RPL26L1: variants seen among roughly 807,000 people sequenced by gnomAD.
RPL26L1 encodes ribosomal protein uL24-like.
A neutral mutation model predicts 15.2 loss-of-function variants in RPL26L1; 8 were observed. The observed-to-expected ratio is 0.53, with a 90% CI of 0.31 to 0.95. RPL26L1 has a LOEUF of 0.95. Among genes scored for constraint, RPL26L1 ranks in the 40% least tolerant of loss-of-function variants. The pLI is 0.05. For synonymous variants in RPL26L1, 51 were observed against 65.9 expected (o/e 0.77, Z 1.09); for missense variants, 146 against 190.9 (o/e 0.76, Z 1.39).
intron 2 of RPL26L1, 76 bp downstream of exon 2, chr5:172,960,117 C>CA: frequency 6.5e-7 from 1 of 1,545,594 alleles, no homozygotes; most frequent in Admixed American, 1.7e-5. Context: ...GTCACAGACT[C>CA]ACATGCCTCA....
intron 2 of RPL26L1, among the ~76,000 whole-genome samples, chr5:172,960,554 T>G (rs1476036933): frequency 6.6e-6 from 1 of 152,078 alleles, no homozygotes; most frequent in African/African-American, 2.4e-5. Flanking sequence ...GTGGGATTGA[T>G]GGACAGAGAT....
chr5:172,968,739 A>G, intron 3 of RPL26L1, 140 bp downstream of exon 3: 1 of 793,118 alleles, frequency 1.3e-6, no homozygotes, highest in South Asian at 2.4e-5. Context: ...TTGTGATATC[A>G]TCAAGGATCC....
intron 2 of RPL26L1, among the ~76,000 whole-genome samples, chr5:172,964,839 T>A (rs1452226104): frequency 1.3e-5 from 2 of 152,192 alleles, no homozygotes; most frequent in Non-Finnish European, 2.9e-5. Flanking sequence ...CACCTACACG[T>A]TTACCTGTAG....
chr5:172,963,419 A>G (rs1290495779), intron 2 of RPL26L1, among the ~76,000 whole-genome samples: 7 of 151,574 alleles, frequency 4.6e-5, no homozygotes, highest in Admixed American at 2.6e-4. Context: ...AAGGCCCTCT[A>G]TGGGCCAATC....
chr5:172,958,569 C>CCT (rs1561753507), upstream of RPL26L1: 2 of 365,788 alleles, frequency 5.5e-6, no homozygotes, highest in African/African-American at 2.1e-5. Context: ...CTTTTCCTTC[C>CCT]CTGCCGCCAC....
At chr5:172,958,574 C>A (rs1755076323), upstream of RPL26L1, 1 of 364,334 alleles carries the variant, frequency 2.7e-6, no homozygotes, top group South Asian at 1.9e-5. Context: ...CCTTCCCTGC[C>A]GCCACGGTGC....
In RPL26L1 at chr5:172,967,453, G is replaced by A. The variant is rs116850350; in HGVS notation, c.169-1006G>A. 6.3e-3 allele frequency among the ~76,000 whole-genome samples: 941 copies of A among 150,368 alleles called. 12 individuals carry two copies. Among genetic ancestry groups the A allele is most frequent in the East Asian group, 0.041 (208 of 5,106 alleles). On this transcript the variant is annotated intron_variant, in intron 2 of 3. Coordinates refer to ENST00000265100, the MANE Select transcript of RPL26L1 (RefSeq NM_016093.4). ...GCCCTCCAGCCTGGGGGAACAGAGC[G>A]AGACTCCGTGTCAAAAATAAATAAA...
chr5:172,957,174 G>C, upstream of RPL26L1: 1 of 456,220 alleles, frequency 2.2e-6, no homozygotes, highest in Non-Finnish European at 4.4e-6. Context: ...CTCTGTGCTA[G>C]GTGCTTTGAG....
At chr5:172,964,368 C>T (rs933801454) in intron 2 of RPL26L1, among the ~76,000 whole-genome samples, 29 of 147,632 alleles carry the variant, frequency 2.0e-4, no homozygotes, top group Non-Finnish European at 3.4e-4. Flanking sequence ...TCACTGCAAC[C>T]TCTGCCTCCC....
At chr5:172,964,857 C>T (rs1561757407) in intron 2 of RPL26L1, among the ~76,000 whole-genome samples, 1 of 152,166 alleles carries the variant, frequency 6.6e-6, no homozygotes, top group African/African-American at 2.4e-5. Flanking sequence ...TAGTTCCACC[C>T]CTCTTATTTT....
At chr5:172,962,675 G>A (rs2113533988) in intron 2 of RPL26L1, among the ~76,000 whole-genome samples, 1 of 151,788 alleles carries the variant, frequency 6.6e-6, no homozygotes, top group South Asian at 2.1e-4. Flanking sequence ...AATTAGCTGA[G>A]CGTGGTGGTG....
intron 1 of RPL26L1, 138 bp downstream of exon 1, chr5:172,959,606 G>A: frequency 8.0e-7 from 1 of 1,250,346 alleles, no homozygotes; most frequent in South Asian, 1.6e-5. Flanking sequence ...CCTAACCCTA[G>A]CATTCCTTCC....
upstream of RPL26L1, among the ~76,000 whole-genome samples, chr5:172,956,339 G>A (rs563416195): frequency 2.6e-5 from 4 of 152,102 alleles, no homozygotes; most frequent in African/African-American, 7.2e-5. Flanking sequence ...AATACGGATC[G>A]CATTATTATC....
At chr5:172,961,083 G>A (rs1000285579) in intron 2 of RPL26L1, among the ~76,000 whole-genome samples, 5 of 152,128 alleles carry the variant, frequency 3.3e-5, no homozygotes, top group African/African-American at 7.2e-5. Flanking sequence ...CCCTCACTCA[G>A]TTAAGAGCTA....
At chr5:172,968,293 A>G (rs1755546992) in intron 2 of RPL26L1, among the ~76,000 whole-genome samples, 166 bp from the exon 3 acceptor site, 1 of 152,132 alleles carries the variant, frequency 6.6e-6, no homozygotes, top group African/African-American at 2.4e-5. Context: ...ACCCAACCAT[A>G]GCACAACACA....
chr5:172,958,872 C>CTAGGAGAGAG (rs1554115719), upstream of RPL26L1: 4 of 66,544 alleles, frequency 6.0e-5, no homozygotes, highest in East Asian at 6.3e-4. Context: ...AGGGGCGGGG[C>CTAGGAGAGAG]GGCGGCCACA....
chr5:172,958,659 G>A (rs919483871), upstream of RPL26L1: 17 of 275,540 alleles, frequency 6.2e-5, no homozygotes, highest in East Asian at 5.7e-4. Context: ...TACACCCAGG[G>A]TCCGCGCAAA....
Position 172,959,975 on chromosome 5 carries a change from C to T in RPL26L1, c.102C>T (p.Leu34=), listed in dbSNP as rs1448573937. 7 of 1,614,216 alleles carry T rather than the reference C, an allele frequency of 4.3e-6. No individual in the cohort carries two copies. The highest frequency in any genetic ancestry group is 1.7e-5 in the Admixed American group (1 of 60,026). The change falls in exon 2 of 4, where the codon CTC becomes CTT. Residue 34 remains leucine (L), a synonymous_variant. Coordinates refer to ENST00000265100, the MANE Select transcript of RPL26L1 (RefSeq NM_016093.4). ...GCAGGAAGATCATGTCATCCCCGCT[C>T]TCCAAGGAGCTGCGGCAGAAGTACA... ...HVRRKIMSSP[L]SKELRQKYNV...
At chr5:172,954,666 G>T (rs1764316234), upstream of RPL26L1, 1 of 264,592 alleles carries the variant, frequency 3.8e-6, no homozygotes, top group Non-Finnish European at 7.6e-6. Flanking sequence ...AACAACTGAA[G>T]ATTTTTGGTT....
Sources: allele counts gnomAD v4.1 joint callset (sites outside exome capture counted in the v4.1 genomes callset), GRCh38; gene constraint gnomAD v4.1.1; transcripts MANE v1.5; gene names NCBI Gene and HGNC (gene_info 2026-07-23, HGNC 2026-07-21).